DLG2: variants seen among roughly 807,000 people sequenced by gnomAD.
DLG2 encodes discs large MAGUK scaffold protein 2.
In DLG2, 45 loss-of-function variants were observed where a neutral mutation model predicts 132.5. The ratio of observed to expected loss-of-function variants is 0.34; its 90% CI spans 0.27 to 0.44. DLG2 has a LOEUF of 0.44. Ranked by LOEUF, DLG2 falls within the 20% of genes least tolerant of loss-of-function variation. DLG2 has a pLI of 1.00. For synonymous variants in DLG2, 424 were observed against 419.6 expected, an observed-to-expected ratio of 1.01 and a Z score of -0.13; for missense variants, 1,045 against 1,196.9, an observed-to-expected ratio of 0.87 and a Z score of 1.87.
At chr11:83,817,534 G>C (rs1292872367) in intron 17 of DLG2, among the ~76,000 whole-genome samples, 1 of 152,104 alleles carries the variant, frequency 6.6e-6, no homozygotes, top group Non-Finnish European at 1.5e-5. Flanking sequence ...AAGTATGAAT[G>C]TATGCCTTTA....
intron 9 of DLG2, among the ~76,000 whole-genome samples, chr11:84,132,524 ACT>A (rs1417111338): frequency 6.6e-6 from 1 of 151,608 alleles, no homozygotes; most frequent in Non-Finnish European, 1.5e-5. Flanking sequence ...AACTGAAAAA[ACT>A]CTGTCACTGA....
rs903470816 is a variant in DLG2 at position 85,518,256 on chromosome 11, C to T, written c.40+80401G>A. On this transcript the variant is annotated intron_variant, in intron 3 of 27. Coordinates refer to ENST00000376104, the MANE Select transcript of DLG2 (RefSeq NM_001142699.3). ...GAAGACAGGAAAATGTGGGAAAGTT[C>T]GGAACTTCCTGGAGACTTCTTGAAT... 1.6e-4 allele frequency among the ~76,000 whole-genome samples: 25 copies of T among 152,210 alleles called. 1 individual carries two copies. Among genetic ancestry groups the T allele is most frequent in the Middle Eastern group, 6.8e-3 (2 of 294 alleles).
chr11:85,106,063 G>A (rs1373287462), intron 6 of DLG2, among the ~76,000 whole-genome samples: 4 of 151,744 alleles, frequency 2.6e-5, no homozygotes, highest in South Asian at 4.2e-4. Context: ...GTTTCAATTA[G>A]ACTGAATGAT....
At chr11:83,534,149 T>G (rs2095827152) in intron 20 of DLG2, among the ~76,000 whole-genome samples, 1 of 152,238 alleles carries the variant, frequency 6.6e-6, no homozygotes, top group African/African-American at 2.4e-5. Flanking sequence ...TGATTGCTCC[T>G]TTGTAACTGG....
At chr11:85,281,556 A>T (rs1159207072) in intron 4 of DLG2, among the ~76,000 whole-genome samples, 1 of 152,056 alleles carries the variant, frequency 6.6e-6, no homozygotes, top group East Asian at 1.9e-4. Flanking sequence ...GGAAGCTCAG[A>T]TCAACTCATT....
At chr11:85,500,357 C>T (rs2093769289) in intron 3 of DLG2, among the ~76,000 whole-genome samples, 1 of 117,494 alleles carries the variant, frequency 8.5e-6, no homozygotes, top group African/African-American at 4.1e-5. Context: ...CACATGGACA[C>T]AGGAAGGGGA....
intron 18 of DLG2, among the ~76,000 whole-genome samples, chr11:83,736,442 CA>C (rs11289593): frequency 0.37 from 54,196 of 148,218 alleles, 11,380 homozygotes; most frequent in African/African-American, 0.59. Flanking sequence ...TTTTTAGATA[CA>C]AAAAAAAAAG....
At chr11:84,251,215 G>T in intron 8 of DLG2, 23 bp downstream of exon 8, 1 of 1,484,998 alleles carries the variant, frequency 6.7e-7, no homozygotes, top group Non-Finnish European at 9.2e-7. Context: ...TTAAAAGAAG[G>T]TAGTAATGAA....
At chr11:84,099,118 A>G (rs2092152195) in intron 9 of DLG2, 71 bp from the exon 10 acceptor site, 1 of 1,383,580 alleles carries the variant, frequency 7.2e-7, no homozygotes. Context: ...TGCACTCTGC[A>G]TTATCATGTT....
chr11:83,589,652 A>G (rs1384119759), intron 19 of DLG2, among the ~76,000 whole-genome samples: 1 of 148,660 alleles, frequency 6.7e-6, no homozygotes, highest in Non-Finnish European at 1.5e-5. Flanking sequence ...ATTAACTTTA[A>G]ATGTAAATGG....
chr11:83,484,350 T>C, intron 21 of DLG2, 122 bp from the exon 22 acceptor site: 1 of 692,884 alleles, frequency 1.4e-6, no homozygotes, highest in South Asian at 1.8e-5. Flanking sequence ...TGGATAATTC[T>C]AAAGTGGTGC....
chr11:83,533,724 G>T (rs527369466), intron 20 of DLG2, among the ~76,000 whole-genome samples: 36 of 152,312 alleles, frequency 2.4e-4, no homozygotes, highest in African/African-American at 8.2e-4. Context: ...GTACATAGGG[G>T]ATATATAGGA....
At chr11:85,272,657 T>C (rs1276128272) in intron 4 of DLG2, among the ~76,000 whole-genome samples, 1 of 152,034 alleles carries the variant, frequency 6.6e-6, no homozygotes, top group Non-Finnish European at 1.5e-5. Flanking sequence ...GAAGAATCAA[T>C]ATCGTGAAAA....
chr11:84,249,116 T>G (rs2097339881), intron 8 of DLG2, among the ~76,000 whole-genome samples: 1 of 152,184 alleles, frequency 6.6e-6, no homozygotes, highest in Admixed American at 6.5e-5. Context: ...ATAGGAGGCT[T>G]TGAAATAATT....
intron 6 of DLG2, among the ~76,000 whole-genome samples, chr11:84,671,909 A>G (rs1346669900): frequency 6.6e-6 from 1 of 152,012 alleles, no homozygotes; most frequent in African/African-American, 2.4e-5. Context: ...TTCCTCTTGT[A>G]TTTGCATTTC....
At chr11:84,452,294 T>C (rs1269843915) in intron 7 of DLG2, among the ~76,000 whole-genome samples, 1 of 151,554 alleles carries the variant, frequency 6.6e-6, no homozygotes. Flanking sequence ...ATTGGAGAGC[T>C]AGACAGGTAG....
intron 6 of DLG2, among the ~76,000 whole-genome samples, chr11:84,979,634 C>T (rs1265044407): frequency 6.6e-6 from 1 of 150,866 alleles, no homozygotes; most frequent in East Asian, 2.0e-4. Flanking sequence ...GGAAGGGGAA[C>T]GTCACACACC....
chr11:83,852,854 T>C (rs925048083), intron 16 of DLG2, among the ~76,000 whole-genome samples: 2 of 152,234 alleles, frequency 1.3e-5, no homozygotes, highest in Non-Finnish European at 2.9e-5. Context: ...CCATCCTTGC[T>C]TTCTCAATTG....
intron 19 of DLG2, among the ~76,000 whole-genome samples, chr11:83,582,679 A>G (rs1002949952): frequency 6.6e-6 from 1 of 152,234 alleles, no homozygotes; most frequent in Non-Finnish European, 1.5e-5. Context: ...TTAGTAGATA[A>G]GATTCTGATT....
Sources: allele counts gnomAD v4.1 joint callset (sites outside exome capture counted in the v4.1 genomes callset), GRCh38; gene constraint gnomAD v4.1.1; transcripts MANE v1.5; gene names NCBI Gene and HGNC (gene_info 2026-07-23, HGNC 2026-07-21).